TCF7L2: variants seen among roughly 807,000 people sequenced by gnomAD.
The protein encoded by TCF7L2 is transcription factor 7-like 2.
In TCF7L2, 23 loss-of-function variants were observed where a neutral mutation model predicts 77.9. The ratio of observed to expected loss-of-function variants is 0.30; its 90% CI spans 0.21 to 0.42. The LOEUF is 0.42. TCF7L2 is among the 10% of genes least tolerant of loss of function. The pLI is 1.00. For missense variants in TCF7L2, 654 were observed against 793.1 expected, an observed-to-expected ratio of 0.82 and a Z score of 2.11; for synonymous variants, 413 against 340.2, an observed-to-expected ratio of 1.21 and a Z score of -2.36.
rs572431965 is a variant in TCF7L2 at position 113,151,123 on chromosome 10, C to T, written c.1001C>T (p.Ser334Leu). 18 of 1,614,082 alleles carry T rather than the reference C, an allele frequency of 1.1e-5. No individual in the cohort carries two copies. Among genetic ancestry groups the T allele is most frequent in the East Asian group, 8.9e-5 (4 of 44,874 alleles). ...AGTGATGTCGGCTCACTCCATAGTTCGTAAGTGTTGCTGTTTTTCTCACCT... is the reference window on the plus strand; with the variant it reads ...AGTGATGTCGGCTCACTCCATAGTTTGTAAGTGTTGCTGTTTTTCTCACCT... Residue 334 changes from serine to leucine, a missense_variant and splice_region_variant, in exon 9 of 14, where the codon TCA becomes TTA. Transcript: ENST00000627217. This position sits in a 1 kb window ranked among gnomAD's most constrained non-coding sequence, Gnocchi z 5.2.
chr10:113,022,048 A>T (rs748885272), intron 4 of TCF7L2, among the ~76,000 whole-genome samples: 11 of 152,208 alleles, frequency 7.2e-5, no homozygotes, highest in Non-Finnish European at 1.5e-4. Flanking sequence ...CTGAAGAAAG[A>T]GGAGGAAAAA....
At chr10:113,092,216 G>A (rs913410760) in intron 5 of TCF7L2, among the ~76,000 whole-genome samples, 1 of 152,198 alleles carries the variant, frequency 6.6e-6, no homozygotes, top group African/African-American at 2.4e-5. Flanking sequence ...TCAGAACCCA[G>A]AAGCATCTCC....
At chr10:113,001,738 G>A (rs532346210) in intron 4 of TCF7L2, among the ~76,000 whole-genome samples, 1 of 152,236 alleles carries the variant, frequency 6.6e-6, no homozygotes, top group African/African-American at 2.4e-5. Context: ...TTGTTTACAC[G>A]AAGGGAATTT....
rs1298689353 is a variant in TCF7L2, at chr10:112,997,391, T to C, written c.450+32767T>C. Among the ~76,000 whole-genome samples, 6 of 152,306 alleles carry C rather than the reference T, an allele frequency of 3.9e-5. No homozygotes were observed. The East Asian group carries it at 7.7e-4, about 20-fold the overall frequency. On this transcript the variant is annotated intron_variant, in intron 4 of 13. Coordinates refer to ENST00000627217, the MANE Select transcript of TCF7L2 (RefSeq NM_001146274.2). ...GAGGTTTGGAGCGGTTTTTGGTTTA[T>C]CCAAAGGGCAGTGGATTGAAGGCTG...
chr10:113,117,406 TCTCTCTCTCTCTCTCTCTCTCTCTCTCC>T (rs1225231818), intron 5 of TCF7L2, among the ~76,000 whole-genome samples: 5,586 of 53,692 alleles, frequency 0.1, 858 homozygotes, highest in Non-Finnish European at 0.12. Context: ...TCTCTCTCTC[TCTCTCTCTCTCTCTCTCTCTCTCTCTCC>T]CTCTCTCTCT....
At chr10:113,165,132 C>G (rs149973845) in intron 13 of TCF7L2, among the ~76,000 whole-genome samples, 1 of 152,082 alleles carries the variant, frequency 6.6e-6, no homozygotes, top group African/African-American at 2.4e-5. Context: ...AGTGAAGGGC[C>G]GAGGAAACTT....
At chr10:112,996,428 A>G (rs1447758555) in intron 4 of TCF7L2, among the ~76,000 whole-genome samples, 5 of 152,176 alleles carry the variant, frequency 3.3e-5, no homozygotes, top group African/African-American at 1.2e-4. Flanking sequence ...TAAAGGAAAT[A>G]TTTTATGGAG....
intron 5 of TCF7L2, among the ~76,000 whole-genome samples, chr10:113,068,797 T>C (rs1228162911): frequency 6.6e-6 from 1 of 152,142 alleles, no homozygotes; most frequent in South Asian, 2.1e-4. Context: ...ATTCTCCATC[T>C]CTCAGCTTCT....
rs2072476421 is a variant in TCF7L2 at position 113,158,735 on chromosome 10, A to G, written c.1318+666A>G. On this transcript the variant is annotated intron_variant, in intron 12 of 13. Transcript: ENST00000627217. Reference sequence around the variant, plus strand: ...GATTACAGGTGCTAATGTCATTTTGAGTCATTAAAATAGTTGATAAACTGT... The same window carrying G: ...GATTACAGGTGCTAATGTCATTTTGGGTCATTAAAATAGTTGATAAACTGT... 1 of 1,611,418 alleles carries G rather than the reference A, an allele frequency of 6.2e-7. No individual in the cohort carries two copies. Among genetic ancestry groups the G allele is most frequent in the South Asian group, 1.1e-5 (1 of 90,448 alleles).
At chr10:112,979,774 TAAAAA>T (rs970859998) in intron 4 of TCF7L2, among the ~76,000 whole-genome samples, 1 of 148,480 alleles carries the variant, frequency 6.7e-6, no homozygotes, top group South Asian at 2.2e-4. Context: ...ATAAAAAAAA[TAAAAA>T]AAATAAACGA....
At position 113,140,419 on chromosome 10, in the gene TCF7L2, C is replaced by T. The variant is rs112998094; in HGVS notation, c.553-765C>T. 4.5e-3 allele frequency among the ~76,000 whole-genome samples: 692 copies of T among 152,228 alleles called. 2 individuals are homozygous for T. Among genetic ancestry groups the T allele is most frequent in the African/African-American group, 0.016 (666 of 41,540 alleles). On this transcript the variant is annotated intron_variant, in intron 5 of 13. Coordinates refer to ENST00000627217, the MANE Select transcript of TCF7L2 (RefSeq NM_001146274.2). ...AATGCCTGTACTTTGTTTTTTAGAA[C>T]TGCCCATTTCTAAAATGCATACCTT...
intron 4 of TCF7L2, among the ~76,000 whole-genome samples, 198 bp from the exon 5 acceptor site, chr10:113,039,827 A>G (rs2052114063): frequency 6.6e-6 from 1 of 152,102 alleles, no homozygotes; most frequent in Non-Finnish European, 1.5e-5. Flanking sequence ...TTAATCTTCT[A>G]TATGTGTACT....
chr10:113,026,132 G>A (rs888736568), intron 4 of TCF7L2, among the ~76,000 whole-genome samples: 1 of 151,840 alleles, frequency 6.6e-6, no homozygotes, highest in Admixed American at 6.6e-5. Flanking sequence ...AACCACCTCG[G>A]CCTCCAGAAG....
At chr10:112,997,452 C>T (rs372950635) in intron 4 of TCF7L2, among the ~76,000 whole-genome samples, 12 of 152,268 alleles carry the variant, frequency 7.9e-5, no homozygotes, top group African/African-American at 2.9e-4. Flanking sequence ...GGGTTGGGGT[C>T]CCCCTGTGAG....
chr10:112,986,796 C>CA (rs937799807), intron 4 of TCF7L2, among the ~76,000 whole-genome samples: 7 of 152,158 alleles, frequency 4.6e-5, no homozygotes, highest in African/African-American at 1.4e-4. Flanking sequence ...GAGCTGCACT[C>CA]ACCTCCGTCT....
At chr10:113,157,910 G>A (rs1254800208) in intron 11 of TCF7L2, 111 bp from the exon 12 acceptor site, 3 of 1,129,142 alleles carry the variant, frequency 2.7e-6, no homozygotes, top group South Asian at 1.4e-5. Flanking sequence ...TTGTGTGGAT[G>A]GAGATGGCAG....
chr10:112,995,102 A>G (rs905614254), intron 4 of TCF7L2, among the ~76,000 whole-genome samples: 2 of 152,306 alleles, frequency 1.3e-5, no homozygotes, highest in Middle Eastern at 3.4e-3. Flanking sequence ...ACTGTGTCTC[A>G]AAACAAATGA....
In TCF7L2 at chr10:113,161,848, A is replaced by G. The variant is rs540631265; in HGVS notation, c.1391+1157A>G. 4.6e-5 allele frequency among the ~76,000 whole-genome samples: 7 copies of G among 152,284 alleles called. No individual in the cohort carries two copies. The East Asian group carries it at 1.4e-3, about 29-fold the overall frequency. ...ATTAGAGGAGAGAGGGCCTGAGAGT[A>G]TTCCCTGAGAGGGAGCCACACAGAC... On this transcript the variant is annotated intron_variant, in intron 13 of 13. Coordinates refer to ENST00000627217, the MANE Select transcript of TCF7L2 (RefSeq NM_001146274.2).
Position 113,165,703 on chromosome 10 carries a change from A to AC in TCF7L2, c.1543dup (p.Gln515ProfsTer28). 6.2e-7 allele frequency: 1 copy of AC among 1,609,294 alleles called. No individual in the cohort carries two copies. The highest frequency in any genetic ancestry group is 2.2e-5 in the East Asian group (1 of 44,658). Reference sequence around the variant, plus strand: ...AGACGCCAAGTCACAGACTGAGCAGACCCAGCCTCTGTCGCTGTCCCTGAA... The same window carrying AC: ...AGACGCCAAGTCACAGACTGAGCAGACCCCAGCCTCTGTCGCTGTCCCTGAA... On this transcript the variant is annotated frameshift_variant, in exon 14 of 14. Coordinates refer to ENST00000627217, the MANE Select transcript of TCF7L2 (RefSeq NM_001146274.2). LOFTEE classifies it high-confidence loss of function.
Sources: allele counts gnomAD v4.1 joint callset (sites outside exome capture counted in the v4.1 genomes callset), GRCh38; gene constraint gnomAD v4.1.1; non-coding constraint Gnocchi (gnomAD v3.1); transcripts MANE v1.5; gene names NCBI Gene and HGNC (gene_info 2026-07-23, HGNC 2026-07-21).